Variants in ILRUN observed in about 807,000 individuals in gnomAD.
ILRUN encodes the protein protein ILRUN.
ILRUN carries 3 observed loss-of-function variants against 33.8 expected under a neutral mutation model. The ratio of observed to expected loss-of-function variants is 0.09; its 90% CI spans 0.04 to 0.23. The LOEUF is 0.23. Ranked by LOEUF, ILRUN falls within the 10% of genes least tolerant of loss-of-function variation. The pLI, the probability that ILRUN is intolerant of heterozygous loss-of-function variation, is 1.00. For synonymous variants in ILRUN, 124 were observed against 138.9 expected (o/e 0.89, Z 0.75); for missense variants, 210 against 375.1 (o/e 0.56, Z 3.64).
At chr6:34,604,425 A>C (rs1761581395) in intron 4 of ILRUN, among the ~76,000 whole-genome samples, 1 of 152,260 alleles carries the variant, frequency 6.6e-6, no homozygotes, top group African/African-American at 2.4e-5. Context: ...GCCCTGGCCA[A>C]GAACAGCAGC....
chr6:34,614,160 C>T (rs2744970), intron 3 of ILRUN, among the ~76,000 whole-genome samples: 37,563 of 151,862 alleles, frequency 0.25, 4,742 homozygotes, highest in East Asian at 0.32. Context: ...CGGTGGCTCA[C>T]GCCTATAATC....
chr6:34,643,530 G>A (rs1762513017), intron 3 of ILRUN, among the ~76,000 whole-genome samples: 1 of 151,896 alleles, frequency 6.6e-6, no homozygotes, highest in African/African-American at 2.4e-5. Context: ...AATCTTTAAT[G>A]GACACCCAGT....
At chr6:34,605,378 A>G (rs900734047) in intron 4 of ILRUN, among the ~76,000 whole-genome samples, 1 of 151,164 alleles carries the variant, frequency 6.6e-6, no homozygotes, top group Middle Eastern at 3.5e-3. Context: ...CTGTAATCCC[A>G]GCACTTCGGG....
intron 3 of ILRUN, among the ~76,000 whole-genome samples, chr6:34,642,924 T>C (rs1358292323): frequency 1.3e-5 from 2 of 150,030 alleles, no homozygotes; most frequent in African/African-American, 2.5e-5. Context: ...GCCAAGGACT[T>C]TGAGGCTGCA....
Position 34,651,054 on chromosome 6 carries a change from C to A in ILRUN, c.313+3571G>T, listed in dbSNP as rs373800892. Among the ~76,000 whole-genome samples, 47 of 152,200 alleles carry A rather than the reference C, an allele frequency of 3.1e-4. No homozygotes were observed. In the South Asian group the frequency reaches 9.7e-3, roughly 32 times the overall value. ...TAACTCAGGCCAGATTAGGATGATG[C>A]CAAAAACCTGTGCACATGCATGTTC... On this transcript the variant is annotated intron_variant, in intron 2 of 4. Transcript: ENST00000374023.
intron 1 of ILRUN, among the ~76,000 whole-genome samples, chr6:34,676,306 G>T (rs575655762): frequency 3.9e-5 from 6 of 152,066 alleles, no homozygotes; most frequent in African/African-American, 1.4e-4. Flanking sequence ...GGCTGAGGCA[G>T]GAGGATAATT....
rs912328598 is a variant in ILRUN, at chr6:34,674,370, A to G, written c.159-19591T>C. Among the ~76,000 whole-genome samples, 30 of 152,160 alleles carry G rather than the reference A, an allele frequency of 2.0e-4. 1 individual carries two copies. The highest frequency in any genetic ancestry group is 2.0e-3 in the Admixed American group (30 of 15,268). ...CGATTTACCTAATTCCCATTTAACA[A>G]CTGGTGCCCTTATGTTATATATGAG... On this transcript the variant is annotated intron_variant, in intron 1 of 4. Coordinates refer to ENST00000374023, the MANE Select transcript of ILRUN (RefSeq NM_024294.4).
At chr6:34,613,215 A>C (rs975854010) in intron 3 of ILRUN, among the ~76,000 whole-genome samples, 2 of 121,010 alleles carry the variant, frequency 1.7e-5, no homozygotes, top group African/African-American at 4.2e-5. Context: ...CCCTGTCTCA[A>C]AAACAACAAC....
At chr6:34,641,600 T>G (rs1762476984) in intron 3 of ILRUN, among the ~76,000 whole-genome samples, 1 of 152,166 alleles carries the variant, frequency 6.6e-6, no homozygotes, top group African/African-American at 2.4e-5. Flanking sequence ...AAGGAGGCAT[T>G]CATATATACT....
chr6:34,661,782 T>A (rs1234752104), intron 1 of ILRUN, among the ~76,000 whole-genome samples: 1 of 152,178 alleles, frequency 6.6e-6, no homozygotes, highest in Non-Finnish European at 1.5e-5. Context: ...TTCAATATTG[T>A]ATAATGGCTT....
At chr6:34,643,521 A>G (rs1762512852) in intron 3 of ILRUN, among the ~76,000 whole-genome samples, 2 of 152,068 alleles carry the variant, frequency 1.3e-5, no homozygotes, top group South Asian at 4.1e-4. Context: ...AGTCTTAAAA[A>G]TCTTTAATGG....
rs551270253 is a variant in ILRUN, at chr6:34,637,972, C to T, written c.511+8629G>A. Among the ~76,000 whole-genome samples the T allele has an allele frequency of 8.2e-4, 125 of 151,942 alleles. No individual in the cohort carries two copies. In the East Asian group the frequency reaches 0.011, roughly 14 times the overall value. On this transcript the variant is annotated intron_variant, in intron 3 of 4. Coordinates refer to ENST00000374023, the MANE Select transcript of ILRUN (RefSeq NM_024294.4). ...AGTGATCTCGGCTCACTGCAACCTC[C>T]GCCTCCCAGGCTCAAGCAGTCCTCC...
At chr6:34,595,851 C>T (rs1042882515) in intron 4 of ILRUN, 101 of 985,336 alleles carry the variant, frequency 1.0e-4, no homozygotes, top group African/African-American at 1.9e-4. Flanking sequence ...ATGGCATTAT[C>T]GGATAACACC....
Position 34,587,941 on chromosome 6 carries a change from G to C in ILRUN, c.*2624C>G. 5.0e-6 allele frequency: 2 copies of C among 397,344 alleles called. No homozygotes were observed. The highest frequency in any genetic ancestry group is 8.9e-6 in the Non-Finnish European group (2 of 225,818). 24.6% of individuals were successfully genotyped at this position (397,344 alleles called of 1,614,324 possible). On this transcript the variant is annotated 3_prime_UTR_variant, in exon 5 of 5. Transcript: ENST00000374023. ...CTGGGTGCCAGACGCAGGTGGTCCT[G>C]CCCAGAGGTGGCCTGCCACTTGGTG...
intron 4 of ILRUN, among the ~76,000 whole-genome samples, chr6:34,598,711 ACTT>A (rs1401326131): frequency 2.0e-5 from 3 of 152,338 alleles, no homozygotes; most frequent in African/African-American, 7.2e-5. Flanking sequence ...TCCTGGAGAT[ACTT>A]TTTATTCTCA....
chr6:34,593,134 G>C (rs1582027492), intron 4 of ILRUN, among the ~76,000 whole-genome samples: 1 of 152,266 alleles, frequency 6.6e-6, no homozygotes, highest in East Asian at 1.9e-4. Context: ...AGCTATGATT[G>C]TGCCACTGTA....
At chr6:34,644,069 C>A (rs747011722) in intron 3 of ILRUN, among the ~76,000 whole-genome samples, 1 of 152,120 alleles carries the variant, frequency 6.6e-6, no homozygotes, top group Non-Finnish European at 1.5e-5. Context: ...TATATTCCAA[C>A]TACTTTTGAA....
chr6:34,636,830 G>A (rs1762375563), intron 3 of ILRUN, among the ~76,000 whole-genome samples: 1 of 152,158 alleles, frequency 6.6e-6, no homozygotes. Context: ...CTAGGGGCAA[G>A]TGCACACAAT....
chr6:34,633,892 G>GGAGGGAGA (rs1762300186), intron 3 of ILRUN, among the ~76,000 whole-genome samples: 1 of 58,912 alleles, frequency 1.7e-5, no homozygotes, highest in African/African-American at 7.2e-5. Flanking sequence ...AGGGAGGGAG[G>GGAGGGAGA]GAGGGAGGGA....
Sources: gnomAD v4.1 joint callset for allele counts (sites outside exome capture counted in the v4.1 genomes callset) on GRCh38, gnomAD v4.1.1 for gene constraint, MANE v1.5 for transcripts, NCBI Gene and HGNC (gene_info 2026-07-23, HGNC 2026-07-21) for gene names.